Variants in PTPRR observed in about 807,000 individuals in gnomAD.
The protein encoded by PTPRR is protein tyrosine phosphatase receptor type R.
In PTPRR, 38 loss-of-function variants were observed where a neutral mutation model predicts 77.2. The observed-to-expected ratio is 0.49, with a 90% CI of 0.38 to 0.65. The LOEUF (loss-of-function observed/expected upper bound fraction) is 0.65. Among genes scored for constraint, PTPRR ranks in the 30% least tolerant of loss-of-function variants. PTPRR has a pLI of 0.00. For synonymous variants in PTPRR, 299 were observed against 283.1 expected (o/e 1.06, Z -0.57); for missense variants, 744 against 799.2 (o/e 0.93, Z 0.83).
chr12:70,698,220 C>T, intron 8 of PTPRR, 45 bp downstream of exon 8: 2 of 1,534,840 alleles, frequency 1.3e-6, no homozygotes, highest in Non-Finnish European at 1.8e-6. Flanking sequence ...GCTATCCCTC[C>T]CCTTGCCCCC....
At chr12:70,777,699 T>C (rs1849866186) in intron 2 of PTPRR, among the ~76,000 whole-genome samples, 1 of 152,170 alleles carries the variant, frequency 6.6e-6, no homozygotes, top group South Asian at 2.1e-4. Flanking sequence ...CTTTCTTCCT[T>C]CTGTCTGCAA....
chr12:70,769,815 T>C (rs1415508858), intron 2 of PTPRR, among the ~76,000 whole-genome samples: 1 of 151,928 alleles, frequency 6.6e-6, no homozygotes, highest in Non-Finnish European at 1.5e-5. Flanking sequence ...AACAGAGATA[T>C]AGATCAATGG....
intron 2 of PTPRR, among the ~76,000 whole-genome samples, chr12:70,854,643 T>C (rs1892623360): frequency 6.6e-6 from 1 of 152,232 alleles, no homozygotes; most frequent in South Asian, 2.1e-4. Flanking sequence ...AAGTTGAAAT[T>C]GCATCCAGGC....
intron 6 of PTPRR, among the ~76,000 whole-genome samples, chr12:70,729,471 G>A (rs1338475418): frequency 1.3e-5 from 2 of 152,118 alleles, no homozygotes; most frequent in East Asian, 3.9e-4. Flanking sequence ...GGAATATCTA[G>A]AAATATTACA....
chr12:70,844,739 G>C (rs2137063239), intron 2 of PTPRR, among the ~76,000 whole-genome samples: 1 of 152,222 alleles, frequency 6.6e-6, no homozygotes, highest in Middle Eastern at 3.4e-3. Context: ...AATTCCAATA[G>C]ACTTCAGCTG....
chr12:70,648,085 C>A (rs1886265259), intron 13 of PTPRR, among the ~76,000 whole-genome samples: 1 of 152,122 alleles, frequency 6.6e-6, no homozygotes, highest in African/African-American at 2.4e-5. Context: ...AGAATTTAGT[C>A]AATCTAATTT....
At chr12:70,807,718 A>G (rs888073135) in intron 2 of PTPRR, among the ~76,000 whole-genome samples, 2 of 152,172 alleles carry the variant, frequency 1.3e-5, no homozygotes, top group African/African-American at 4.8e-5. Flanking sequence ...ATTTGTGAAG[A>G]TTTCATGGAC....
chr12:70,755,013 G>C (rs907863345), intron 4 of PTPRR, among the ~76,000 whole-genome samples: 1 of 152,094 alleles, frequency 6.6e-6, no homozygotes, highest in African/African-American at 2.4e-5. Flanking sequence ...GGGTGGAAGA[G>C]CAGAGAAGAA....
intron 2 of PTPRR, among the ~76,000 whole-genome samples, chr12:70,889,391 A>G (rs982920145): frequency 6.6e-6 from 1 of 152,206 alleles, no homozygotes; most frequent in Non-Finnish European, 1.5e-5. Context: ...GATGAATCCA[A>G]AAGGTAGTCA....
rs74102016 is a variant in PTPRR at position 70,822,925 on chromosome 12, T to G, written c.358-58147A>C. Among the ~76,000 whole-genome samples the G allele has an allele frequency of 8.7e-3, 1,329 of 152,136 alleles. 21 individuals carry two copies. Among genetic ancestry groups the G allele is most frequent in the African/African-American group, 0.03 (1,247 of 41,462 alleles). ...CCTTTTTCAGACCTTTTTTTGGGTG[T>G]GCATTTCTCATCCTTGGGTAGAACC... On this transcript the variant is annotated intron_variant, in intron 2 of 13. Coordinates refer to ENST00000283228, the MANE Select transcript of PTPRR (RefSeq NM_002849.4).
chr12:70,675,482 A>T (rs1887411114), intron 10 of PTPRR, among the ~76,000 whole-genome samples: 1 of 151,998 alleles, frequency 6.6e-6, no homozygotes, highest in Non-Finnish European at 1.5e-5. Context: ...TTGAACATGC[A>T]TATTTACCTA....
At position 70,639,292 on chromosome 12, in the gene PTPRR, T is replaced by A; in HGVS notation, c.1881-15A>T. On this transcript the variant is annotated splice_polypyrimidine_tract_variant and intron_variant, in intron 13 of 13. Coordinates refer to ENST00000283228, the MANE Select transcript of PTPRR (RefSeq NM_002849.4). The stretch of plus-strand genomic sequence containing the variant: ...CCATTCCACCTCTGCAAGGAAGAAA[T>A]CATAAAATAACTGATTTTGCTAAAA... The A allele has an allele frequency of 1.9e-6, 3 of 1,609,218 alleles. No homozygotes were observed. The highest frequency in any genetic ancestry group is 2.5e-6 in the Non-Finnish European group (3 of 1,178,734).
At position 70,880,459 on chromosome 12, in the gene PTPRR, A is replaced by G. The variant is rs532397894; in HGVS notation, c.357+12220T>C. On this transcript the variant is annotated intron_variant, in intron 2 of 13. Coordinates refer to ENST00000283228, the MANE Select transcript of PTPRR (RefSeq NM_002849.4). ...TATCTAACAGAATCCTTCAATATCC[A>G]GTGTAAGGTAGTCCCCACTATTTTC... 2.0e-5 allele frequency among the ~76,000 whole-genome samples: 3 copies of G among 152,208 alleles called. 1 individual carries two copies. The highest frequency in any genetic ancestry group is 4.1e-4 in the South Asian group (2 of 4,826).
chr12:70,672,117 C>G (rs1381945782), intron 10 of PTPRR: 1 of 1,395,330 alleles, frequency 7.2e-7, no homozygotes, highest in African/African-American at 1.4e-5. Flanking sequence ...AAAATGATGA[C>G]ACAGTTCCTA....
chr12:70,713,080 T>C (rs1383295816), intron 6 of PTPRR, among the ~76,000 whole-genome samples: 1 of 152,188 alleles, frequency 6.6e-6, no homozygotes, highest in Admixed American at 6.6e-5. Flanking sequence ...AAACCACTAA[T>C]ATACATGCTG....
chr12:70,667,738 A>G (rs112336841), intron 10 of PTPRR, among the ~76,000 whole-genome samples: 72 of 152,182 alleles, frequency 4.7e-4, no homozygotes, highest in African/African-American at 1.5e-3. Flanking sequence ...CATTCATAAT[A>G]TCTAATTCTG....
intron 5 of PTPRR, among the ~76,000 whole-genome samples, chr12:70,748,846 A>G (rs1011720278): frequency 1.5e-4 from 23 of 152,194 alleles, no homozygotes; most frequent in African/African-American, 5.5e-4. Flanking sequence ...CTTTTAATTT[A>G]ATAATCCTGA....
At chr12:70,827,709 C>CTTT (rs869285373) in intron 2 of PTPRR, among the ~76,000 whole-genome samples, 4 of 63,868 alleles carry the variant, frequency 6.3e-5, no homozygotes, top group Non-Finnish European at 1.1e-4. Flanking sequence ...CCACACCTGG[C>CTTT]TTTTTTTTTT....
At chr12:70,690,295 A>G (rs1245268581) in intron 8 of PTPRR, among the ~76,000 whole-genome samples, 2 of 152,208 alleles carry the variant, frequency 1.3e-5, no homozygotes, top group African/African-American at 4.8e-5. Context: ...TCTGGCAAAA[A>G]TATTTCAGAA....
Sources: allele counts gnomAD v4.1 joint callset (sites outside exome capture counted in the v4.1 genomes callset), GRCh38; gene constraint gnomAD v4.1.1; transcripts MANE v1.5; gene names NCBI Gene and HGNC (gene_info 2026-07-23, HGNC 2026-07-21).